PALS1: variants seen among roughly 807,000 people sequenced by gnomAD.
PALS1 encodes protein associated with LIN7 1, MAGUK p55 family member.
In PALS1, 31 loss-of-function variants were observed where a neutral mutation model predicts 78.9. The observed-to-expected ratio is 0.39, with a 90% CI of 0.30 to 0.53. The LOEUF is 0.53. Ranked by LOEUF, PALS1 falls within the 20% of genes least tolerant of loss-of-function variation. PALS1 has a pLI of 0.67. For synonymous variants in PALS1, 276 were observed against 270.9 expected, an observed-to-expected ratio of 1.02 and a Z score of -0.18; for missense variants, 704 against 826.5, an observed-to-expected ratio of 0.85 and a Z score of 1.82.
At chr14:67,326,289 A>G (rs1038483365) in intron 14 of PALS1, among the ~76,000 whole-genome samples, 2 of 112,450 alleles carry the variant, frequency 1.8e-5, no homozygotes, top group Non-Finnish European at 3.3e-5. Flanking sequence ...CACCCAGACT[A>G]GAGTGCTGTG....
chr14:67,325,318 A>C (rs1301920000), intron 14 of PALS1, among the ~76,000 whole-genome samples: 1 of 152,150 alleles, frequency 6.6e-6, no homozygotes, highest in Non-Finnish European at 1.5e-5. Flanking sequence ...TCTATATGTG[A>C]GGTTAAGAAA....
intron 7 of PALS1, among the ~76,000 whole-genome samples, chr14:67,303,084 A>G (rs1048810442): frequency 6.6e-6 from 1 of 152,244 alleles, no homozygotes; most frequent in East Asian, 1.9e-4. Flanking sequence ...CACTAGCTGC[A>G]TTTCAAGTGC....
intron 1 of PALS1, among the ~76,000 whole-genome samples, chr14:67,253,706 G>A (rs909467548): frequency 5.3e-5 from 8 of 151,958 alleles, no homozygotes; most frequent in Non-Finnish European, 8.8e-5. Context: ...AATTAGCTGG[G>A]TTTGCATTCC....
chr14:67,268,303 A>C (rs568722592), intron 1 of PALS1, among the ~76,000 whole-genome samples: 1 of 152,322 alleles, frequency 6.6e-6, no homozygotes, highest in African/African-American at 2.4e-5. Context: ...CATTGTTGAG[A>C]TAGAACTCTC....
At position 67,312,270 on chromosome 14, in the gene PALS1, A is replaced by G. The variant is rs75358761; in HGVS notation, c.1042-257A>G. ...ACTTAACACCCTTCTTCCAACTACAATTTCTTTGCACTGATGAAAAATTGT... is the reference window on the plus strand; with the variant it reads ...ACTTAACACCCTTCTTCCAACTACAGTTTCTTTGCACTGATGAAAAATTGT... On this transcript the variant is annotated intron_variant, in intron 8 of 14. Transcript: ENST00000261681. 1,510 of 244,594 alleles carry G rather than the reference A, an allele frequency of 6.2e-3. 21 individuals are homozygous for G. The highest frequency in any genetic ancestry group is 0.031 in the South Asian group (223 of 7,300). The allele number at this position is 244,594 out of a possible 1,614,324, so 15.2% of individuals were successfully genotyped here. A position where few individuals can be genotyped will look rare whatever the true frequency, so the allele number is the denominator to read the frequency against.
intron 4 of PALS1, among the ~76,000 whole-genome samples, chr14:67,293,295 T>C (rs559205837): frequency 6.6e-6 from 1 of 152,286 alleles, no homozygotes; most frequent in African/African-American, 2.4e-5. Context: ...AAATTTAAGA[T>C]TTAAAAAGGG....
chr14:67,328,283 T>C (rs1380612325), intron 14 of PALS1, among the ~76,000 whole-genome samples: 3 of 152,252 alleles, frequency 2.0e-5, no homozygotes, highest in African/African-American at 7.2e-5. Context: ...ATGTCTTCTT[T>C]TGAGAAGTGT....
chr14:67,264,853 C>T (rs2084295209), intron 1 of PALS1, among the ~76,000 whole-genome samples: 1 of 152,054 alleles, frequency 6.6e-6, no homozygotes, highest in Admixed American at 6.6e-5. Context: ...TGTTAAGTCT[C>T]AAGTTTACAT....
intron 3 of PALS1, among the ~76,000 whole-genome samples, chr14:67,286,825 C>T (rs2084695945): frequency 6.8e-6 from 1 of 146,776 alleles, no homozygotes; most frequent in South Asian, 2.2e-4. Flanking sequence ...CCACTGCACT[C>T]CAGCGTGGTG....
intron 3 of PALS1, among the ~76,000 whole-genome samples, chr14:67,288,759 A>G (rs1400656642): frequency 2.6e-5 from 4 of 151,992 alleles, no homozygotes; most frequent in African/African-American, 9.7e-5. Context: ...CTTCCTATCT[A>G]TTCTTAATAT....
intron 2 of PALS1, among the ~76,000 whole-genome samples, chr14:67,272,597 C>G (rs1257671612): frequency 6.6e-6 from 1 of 152,148 alleles, no homozygotes; most frequent in African/African-American, 2.4e-5. Flanking sequence ...ACCTCTTTCT[C>G]TTATTCACTT....
At chr14:67,256,713 A>G (rs1254807378) in intron 1 of PALS1, among the ~76,000 whole-genome samples, 1 of 151,878 alleles carries the variant, frequency 6.6e-6, no homozygotes, top group African/African-American at 2.4e-5. Flanking sequence ...ACACCTGACT[A>G]ATTTTTGTAT....
chr14:67,335,772 G>A lies in PALS1; in HGVS notation c.*2816G>A, dbSNP rs1217497150. 10 of 152,562 alleles carry A rather than the reference G, an allele frequency of 6.6e-5. No homozygotes were observed. Among genetic ancestry groups the A allele is most frequent in the Admixed American group, 5.2e-4 (8 of 15,288 alleles). The allele number at this position is 152,562 out of a possible 1,614,324, so 9.5% of individuals were successfully genotyped here. On this transcript the variant is annotated 3_prime_UTR_variant, in exon 15 of 15. Transcript: ENST00000261681. ...ATTTTGAGATGTCATACTGTACACT[G>A]TATTGTAAAAATAAAAAGTAAAATT...
chr14:67,323,981 A>G (rs560538363), intron 14 of PALS1, among the ~76,000 whole-genome samples, 169 bp downstream of exon 14: 3 of 152,330 alleles, frequency 2.0e-5, no homozygotes, highest in African/African-American at 4.8e-5. Flanking sequence ...GGGTTGGACT[A>G]TGGCAGCTTT....
At chr14:67,301,280 C>T (rs938408449) in intron 4 of PALS1, 109 bp from the exon 5 acceptor site, 3 of 517,292 alleles carry the variant, frequency 5.8e-6, no homozygotes, top group African/African-American at 3.9e-5. Context: ...TTATTTCTTA[C>T]AAGTATTTTT....
At chr14:67,320,181 A>G (rs1423579428) in intron 11 of PALS1, 49 bp from the exon 12 acceptor site, 1 of 1,566,570 alleles carries the variant, frequency 6.4e-7, no homozygotes. Context: ...TATATCTTTA[A>G]TACATGGCCA....
intron 1 of PALS1, among the ~76,000 whole-genome samples, chr14:67,243,539 C>T (rs2083938047): frequency 7.3e-6 from 1 of 137,028 alleles, no homozygotes; most frequent in Non-Finnish European, 1.5e-5. Flanking sequence ...GTCGCCCAGG[C>T]TGGAGTGCAG....
intron 14 of PALS1, among the ~76,000 whole-genome samples, chr14:67,329,835 AAAATAAATAAATAAAT>A (rs199845948): frequency 3.7e-4 from 36 of 96,944 alleles, no homozygotes; most frequent in Admixed American, 1.8e-3. Flanking sequence ...CTTGGTCTCA[AAAATAAATAAATAAAT>A]AAATAAATAA....
intron 14 of PALS1, among the ~76,000 whole-genome samples, chr14:67,330,146 A>G (rs2085425633): frequency 6.8e-6 from 1 of 147,412 alleles, no homozygotes; most frequent in South Asian, 2.1e-4. Flanking sequence ...ATAAATAATA[A>G]TAATAATAAT....
Sources: gnomAD v4.1 joint callset for allele counts (sites outside exome capture counted in the v4.1 genomes callset) on GRCh38, gnomAD v4.1.1 for gene constraint, MANE v1.5 for transcripts, NCBI Gene and HGNC (gene_info 2026-07-23, HGNC 2026-07-21) for gene names.